BLNK: variants seen among roughly 807,000 people sequenced by gnomAD.
BLNK encodes B cell linker, also known as B-cell linker protein.
A neutral mutation model predicts 73.5 loss-of-function variants in BLNK; 29 were observed. That is an observed-to-expected ratio of 0.39 (90% CI 0.29 to 0.54). The LOEUF (loss-of-function observed/expected upper bound fraction) is 0.54. BLNK is among the 20% of genes least tolerant of loss of function. The pLI is 0.61. For synonymous variants in BLNK, 176 were observed against 200.8 expected, an observed-to-expected ratio of 0.88 and a Z score of 1.04; for missense variants, 460 against 562.8, an observed-to-expected ratio of 0.82 and a Z score of 1.85.
At chr10:96,224,337 A>T (rs1251760722) in intron 5 of BLNK, among the ~76,000 whole-genome samples, 2 of 152,228 alleles carry the variant, frequency 1.3e-5, no homozygotes, top group African/African-American at 2.4e-5. Flanking sequence ...CCTGGCTTTT[A>T]AAAATGCCAA....
chr10:96,237,385 T>G (rs1842732608), intron 3 of BLNK, among the ~76,000 whole-genome samples: 1 of 152,116 alleles, frequency 6.6e-6, no homozygotes, highest in Non-Finnish European at 1.5e-5. Flanking sequence ...TTGCCACCCC[T>G]CCACCCTATA....
At chr10:96,256,739 G>T (rs1158940120) in intron 1 of BLNK, among the ~76,000 whole-genome samples, 1 of 152,074 alleles carries the variant, frequency 6.6e-6, no homozygotes, top group Non-Finnish European at 1.5e-5. Context: ...AAATCGGCTG[G>T]CAGTGGTGGC....
chr10:96,233,535 C>T (rs1805198336), intron 3 of BLNK, among the ~76,000 whole-genome samples: 1 of 152,240 alleles, frequency 6.6e-6, no homozygotes, highest in Non-Finnish European at 1.5e-5. Flanking sequence ...CTCCCACGCT[C>T]ACTAACAGTA....
intron 1 of BLNK, among the ~76,000 whole-genome samples, chr10:96,254,509 T>G (rs3789931): frequency 0.17 from 24,309 of 143,606 alleles, 3,316 homozygotes; most frequent in East Asian, 0.55. Context: ...GTTTTTTTTT[T>G]GTTTTGTTTT....
intron 1 of BLNK, among the ~76,000 whole-genome samples, chr10:96,249,326 C>A (rs897498892): frequency 6.6e-6 from 1 of 152,170 alleles, no homozygotes. Context: ...AATGCCCGTG[C>A]GGTGGAAGGG....
intron 1 of BLNK, among the ~76,000 whole-genome samples, chr10:96,253,017 G>C (rs1206848609): frequency 2.6e-5 from 4 of 152,174 alleles, no homozygotes; most frequent in African/African-American, 4.8e-5. Context: ...GATGTTTCCT[G>C]TCTTCCCGGG....
In BLNK at chr10:96,200,034, TA is replaced by T; in HGVS notation, c.1095+40del. 1 of 1,287,054 alleles carries T rather than the reference TA, an allele frequency of 7.8e-7. No individual in the cohort carries two copies. The highest frequency in any genetic ancestry group is 1.0e-6 in the Non-Finnish European group (1 of 989,212). The allele number at this position is 1,287,054 out of a possible 1,614,324, so 79.7% of individuals were successfully genotyped here. On this transcript the variant is annotated intron_variant, in intron 15 of 16. Coordinates refer to ENST00000224337, the MANE Select transcript of BLNK (RefSeq NM_013314.4). This position sits in a 1 kb window ranked among gnomAD's most constrained non-coding sequence, Gnocchi z 4.3. ...ATCATCTCAAAACAAATAAATAAAA[TA>T]AAATAAAATAAAAATAATAAATAAT...
intron 2 of BLNK, among the ~76,000 whole-genome samples, chr10:96,246,437 A>G (rs1843047361): frequency 6.6e-6 from 1 of 152,198 alleles, no homozygotes; most frequent in Admixed American, 6.5e-5. Flanking sequence ...CTGTAATCCC[A>G]GCTATTCGCT....
At chr10:96,233,690 A>C (rs1842593341) in intron 3 of BLNK, among the ~76,000 whole-genome samples, 2 of 152,212 alleles carry the variant, frequency 1.3e-5, no homozygotes, top group Middle Eastern at 6.8e-3. Flanking sequence ...TGTCATAATC[A>C]ATCACTTCTT....
intron 15 of BLNK, chr10:96,199,853 G>A (rs1186009294): frequency 3.1e-5 from 8 of 259,548 alleles, no homozygotes; most frequent in Admixed American, 1.9e-4. Flanking sequence ...GTAAAACCCC[G>A]TCTCTACTAA....
intron 11 of BLNK, chr10:96,205,300 T>C (rs1244972897): frequency 6.5e-6 from 1 of 152,710 alleles, no homozygotes; most frequent in East Asian, 1.9e-4. Flanking sequence ...AATACTTTAC[T>C]CTCCCTCAAA....
At chr10:96,250,545 T>C (rs772170976) in intron 1 of BLNK, among the ~76,000 whole-genome samples, 2 of 152,098 alleles carry the variant, frequency 1.3e-5, no homozygotes, top group African/African-American at 4.8e-5. Flanking sequence ...TGACTGTAAC[T>C]GAATGGAGTA....
intron 6 of BLNK, among the ~76,000 whole-genome samples, chr10:96,220,835 G>A (rs2084180999): frequency 6.6e-6 from 1 of 152,178 alleles, no homozygotes; most frequent in African/African-American, 2.4e-5. Flanking sequence ...AGATGTTTCA[G>A]TATTAATAAG....
intron 1 of BLNK, among the ~76,000 whole-genome samples, chr10:96,269,640 G>C (rs1323218029): frequency 6.6e-6 from 1 of 151,900 alleles, no homozygotes; most frequent in Non-Finnish European, 1.5e-5. Context: ...ATCCTACCAG[G>C]CTCCTTTAAG....
chr10:96,264,282 G>A (rs946558281), intron 1 of BLNK, among the ~76,000 whole-genome samples: 1 of 152,160 alleles, frequency 6.6e-6, no homozygotes, highest in Non-Finnish European at 1.5e-5. Flanking sequence ...GGTGTCCAAT[G>A]GGAGGCAGTA....
chr10:96,218,433 G>A (rs1048574251), intron 6 of BLNK, among the ~76,000 whole-genome samples: 17 of 152,324 alleles, frequency 1.1e-4, no homozygotes, highest in Admixed American at 7.2e-4. Context: ...GCTCGTGCCT[G>A]TAATCCCAGA....
intron 1 of BLNK, among the ~76,000 whole-genome samples, chr10:96,255,790 C>T (rs1464388036): frequency 2.6e-5 from 4 of 152,230 alleles, no homozygotes; most frequent in African/African-American, 9.6e-5. Flanking sequence ...GCAGCAGGGC[C>T]CTCCCATCCA....
intron 15 of BLNK, chr10:96,199,372 T>A: frequency 3.6e-6 from 1 of 280,794 alleles, no homozygotes; most frequent in Admixed American, 3.8e-5. Flanking sequence ...TTTGTTTGTT[T>A]GTTTGCCATC....
At chr10:96,230,772 G>T in intron 4 of BLNK, 22 bp downstream of exon 4, 1 of 1,604,474 alleles carries the variant, frequency 6.2e-7, no homozygotes, top group Non-Finnish European at 8.5e-7. Context: ...ATGCCCTCCT[G>T]GTCCCAGGAG....
Sources: allele counts gnomAD v4.1 joint callset (sites outside exome capture counted in the v4.1 genomes callset), GRCh38; gene constraint gnomAD v4.1.1; non-coding constraint Gnocchi (gnomAD v3.1); transcripts MANE v1.5; gene names NCBI Gene and HGNC (gene_info 2026-07-23, HGNC 2026-07-21).